Variants in MGAT4C observed in about 807,000 individuals in gnomAD.
MGAT4C encodes MGAT4 family member C.
A neutral mutation model predicts 40.1 loss-of-function variants in MGAT4C; 19 were observed. That is an observed-to-expected ratio of 0.47 (90% CI 0.33 to 0.70). The LOEUF is 0.70. Among genes scored for constraint, MGAT4C ranks in the 30% least tolerant of loss-of-function variants. The pLI is 0.02. For synonymous variants in MGAT4C, 181 were observed against 187.1 expected, an observed-to-expected ratio of 0.97 and a Z score of 0.27; for missense variants, 491 against 563.2, an observed-to-expected ratio of 0.87 and a Z score of 1.30.
chr12:86,080,606 C>G (rs1047869947), intron 1 of MGAT4C, among the ~76,000 whole-genome samples: 2 of 152,098 alleles, frequency 1.3e-5, no homozygotes, highest in African/African-American at 4.8e-5. Context: ...CACATGCACA[C>G]GCACCCACAC....
At chr12:86,767,397 A>G (rs1182595131) in intron 1 of MGAT4C, among the ~76,000 whole-genome samples, 2 of 152,256 alleles carry the variant, frequency 1.3e-5, no homozygotes, top group African/African-American at 2.4e-5. Context: ...AAAAGAGTCC[A>G]GGACCAGATG....
At chr12:86,448,781 G>A (rs959863724) in intron 2 of MGAT4C, among the ~76,000 whole-genome samples, 1 of 152,114 alleles carries the variant, frequency 6.6e-6, no homozygotes, top group Non-Finnish European at 1.5e-5. Context: ...TCAACTTTAT[G>A]TTTCTTCCCC....
intron 1 of MGAT4C, among the ~76,000 whole-genome samples, chr12:86,803,673 C>A (rs1383450023): frequency 6.6e-6 from 1 of 150,950 alleles, no homozygotes; most frequent in South Asian, 2.1e-4. Context: ...AAATGCTCAT[C>A]ATCACTGGCC....
chr12:86,227,184 T>C (rs1001308761), intron 1 of MGAT4C, among the ~76,000 whole-genome samples: 1 of 135,582 alleles, frequency 7.4e-6, no homozygotes, highest in Non-Finnish European at 1.5e-5. Context: ...AAAGATGTCA[T>C]TTTTTTTTCT....
intron 4 of MGAT4C, among the ~76,000 whole-genome samples, chr12:86,318,517 C>T (rs1048815679): frequency 1.3e-5 from 2 of 152,182 alleles, no homozygotes; most frequent in African/African-American, 4.8e-5. Flanking sequence ...GAGCCCAATT[C>T]TAGACCACAT....
intron 3 of MGAT4C, among the ~76,000 whole-genome samples, chr12:86,432,223 A>T (rs1957052759): frequency 6.6e-6 from 1 of 152,142 alleles, no homozygotes; most frequent in African/African-American, 2.4e-5. Context: ...TGGAAGAATC[A>T]CAAGGATTGT....
In MGAT4C at chr12:86,503,765, TATATATATATAGAGTTCTGCTC is replaced by T. The variant is rs1413825008; in HGVS notation, c.-228-68522_-228-68501del. Reference sequence around the variant, plus strand: ...TATATATATATGAGTTCTGCTCATATATATATATATAGAGTTCTGCTCATATATATATATATATATATATATA... The same window carrying T: ...TATATATATATGAGTTCTGCTCATATATATATATATATATATATATATATA... On this transcript the variant is annotated intron_variant, in intron 2 of 7. Transcript: ENST00000548651. Among the ~76,000 whole-genome samples the T allele has an allele frequency of 1.2e-3, 84 of 69,230 alleles. 13 individuals are homozygous for T. Among genetic ancestry groups the T allele is most frequent in the East Asian group, 5.5e-3 (11 of 2,010 alleles). The allele number at this position is 69,230 out of a possible 152,430, so 45.4% of individuals were successfully genotyped here.
At chr12:86,459,503 C>T (rs1037576386) in intron 2 of MGAT4C, among the ~76,000 whole-genome samples, 3 of 151,880 alleles carry the variant, frequency 2.0e-5, no homozygotes, top group African/African-American at 7.3e-5. Context: ...CGTTACTCAC[C>T]AATAGCTAGC....
intron 1 of MGAT4C, among the ~76,000 whole-genome samples, chr12:86,213,618 T>TA (rs141751972): frequency 0.1 from 15,387 of 151,982 alleles, 846 homozygotes; most frequent in Middle Eastern, 0.22. Context: ...ACCAATTATT[T>TA]AAAAAAAACA....
At chr12:86,808,368 T>C (rs1204292975) in intron 1 of MGAT4C, among the ~76,000 whole-genome samples, 2 of 151,926 alleles carry the variant, frequency 1.3e-5, no homozygotes, top group African/African-American at 4.8e-5. Flanking sequence ...AACATTAGTG[T>C]AAAAATTCTC....
At chr12:86,477,152 G>A (rs1288366102) in intron 2 of MGAT4C, among the ~76,000 whole-genome samples, 1 of 151,272 alleles carries the variant, frequency 6.6e-6, no homozygotes, top group Non-Finnish European at 1.5e-5. Context: ...ATCATTTATT[G>A]GTTGTATTTA....
At chr12:86,470,084 G>T (rs969940976) in intron 2 of MGAT4C, among the ~76,000 whole-genome samples, 1 of 151,984 alleles carries the variant, frequency 6.6e-6, no homozygotes, top group Non-Finnish European at 1.5e-5. Flanking sequence ...GTTGGAATTT[G>T]AGTTTTTTAA....
chr12:86,812,330 G>C (rs1421812871), intron 1 of MGAT4C, among the ~76,000 whole-genome samples: 1 of 152,024 alleles, frequency 6.6e-6, no homozygotes, highest in Non-Finnish European at 1.5e-5. Context: ...TGAGTGTGCT[G>C]TTCAGATTTT....
chr12:86,034,572 G>GTT (rs34885099), intron 2 of MGAT4C, among the ~76,000 whole-genome samples: 1 of 101,638 alleles, frequency 9.8e-6, no homozygotes, highest in Non-Finnish European at 2.7e-5. Context: ...TTTTGTTGTT[G>GTT]TTTTTTTTAA....
intron 1 of MGAT4C, among the ~76,000 whole-genome samples, chr12:86,738,641 G>A (rs943419904): frequency 1.1e-4 from 17 of 151,184 alleles, no homozygotes; most frequent in Non-Finnish European, 1.9e-4. Context: ...CATATTGTTC[G>A]ATTTTATTAC....
At chr12:86,480,461 C>T (rs1957914287) in intron 2 of MGAT4C, among the ~76,000 whole-genome samples, 1 of 148,942 alleles carries the variant, frequency 6.7e-6, no homozygotes, top group Admixed American at 6.8e-5. Context: ...TAGATATGTA[C>T]ACATATACAT....
chr12:86,749,222 T>C (rs1319854940), intron 1 of MGAT4C, among the ~76,000 whole-genome samples: 3 of 151,746 alleles, frequency 2.0e-5, no homozygotes, highest in African/African-American at 7.2e-5. Flanking sequence ...TTCTAAACAA[T>C]AGATGCACTT....
intron 2 of MGAT4C, among the ~76,000 whole-genome samples, chr12:86,595,607 C>A (rs1322535855): frequency 6.6e-6 from 1 of 151,770 alleles, no homozygotes; most frequent in Non-Finnish European, 1.5e-5. Context: ...AAACATCAGT[C>A]TATGATAGAC....
chr12:86,193,902 A>C (rs2135910810), intron 1 of MGAT4C, among the ~76,000 whole-genome samples: 1 of 152,208 alleles, frequency 6.6e-6, no homozygotes, highest in Non-Finnish European at 1.5e-5. Flanking sequence ...ATTTCTAGCC[A>C]CTGTTTTCAC....
Sources: allele counts gnomAD v4.1 joint callset (sites outside exome capture counted in the v4.1 genomes callset), GRCh38; gene constraint gnomAD v4.1.1; transcripts MANE v1.5; gene names NCBI Gene and HGNC (gene_info 2026-07-23, HGNC 2026-07-21).